The following HPSE2 variants were observed in gnomAD, a reference collection of about 807,000 sequenced individuals.
HPSE2 encodes the protein heparanase 2 (inactive).
HPSE2 carries 38 observed loss-of-function variants against 60.5 expected under a neutral mutation model. The ratio of observed to expected loss-of-function variants is 0.63; its 90% confidence interval spans 0.48 to 0.82. The LOEUF (loss-of-function observed/expected upper bound fraction) is 0.82, where lower values mean the gene tolerates loss of function less well. HPSE2 is among the 40% of genes least tolerant of loss of function. The pLI is 0.00. For synonymous variants in HPSE2, 295 were observed against 293.2 expected (o/e 1.01, Z -0.06); for missense variants, 713 against 740.4 (o/e 0.96, Z 0.43).
At chr10:98,940,132 A>G (rs1954944408) in intron 3 of HPSE2, among the ~76,000 whole-genome samples, 1 of 144,012 alleles carries the variant, frequency 6.9e-6, no homozygotes, top group South Asian at 2.1e-4. Flanking sequence ...AGAAAGCAGG[A>G]AAGATCCAAA....
chr10:98,926,522 G>C (rs1954468098), intron 3 of HPSE2, among the ~76,000 whole-genome samples: 2 of 152,044 alleles, frequency 1.3e-5, no homozygotes, highest in Admixed American at 6.6e-5. Flanking sequence ...TAGCTTTTTG[G>C]GTAGTAGAAA....
At chr10:99,305,975 G>GCACACACACACACACACACACACA in the HPSE2 span, among the ~76,000 whole-genome samples, 70 of 48,102 alleles carry the variant, frequency 1.5e-3, no homozygotes, top group African/African-American at 3.2e-3. Flanking sequence ...GCGCGCGCGC[G>GCACACACACACACACACACACACA]CGCGCACACA....
At chr10:98,873,564 C>T (rs1952790616) in intron 3 of HPSE2, among the ~76,000 whole-genome samples, 1 of 152,090 alleles carries the variant, frequency 6.6e-6, no homozygotes, top group African/African-American at 2.4e-5. Flanking sequence ...TCGAATACTG[C>T]ATAGTATTCG....
intron 7 of HPSE2, among the ~76,000 whole-genome samples, chr10:98,631,864 T>A (rs1052306396): frequency 6.6e-6 from 1 of 152,166 alleles, no homozygotes; most frequent in Non-Finnish European, 1.5e-5. Context: ...TCAACTTCAT[T>A]CATTCATTCA....
chr10:99,176,180 G>A (rs1175754537), intron 2 of HPSE2, among the ~76,000 whole-genome samples: 1 of 152,124 alleles, frequency 6.6e-6, no homozygotes, highest in Non-Finnish European at 1.5e-5. Flanking sequence ...AGCACAAAAA[G>A]CCTGAAAATT....
chr10:98,473,164 C>T (rs1940849888), intron 11 of HPSE2, among the ~76,000 whole-genome samples: 1 of 152,060 alleles, frequency 6.6e-6, no homozygotes, highest in African/African-American at 2.4e-5. Context: ...TCTCAGACCT[C>T]TTCAACTAAG....
intron 3 of HPSE2, among the ~76,000 whole-genome samples, chr10:98,895,866 A>C (rs1953473394): frequency 6.9e-6 from 1 of 143,950 alleles, no homozygotes; most frequent in Non-Finnish European, 1.5e-5. Context: ...GTTCTCACTC[A>C]TAGATGGGAA....
At chr10:99,261,806 C>T in the HPSE2 span, among the ~76,000 whole-genome samples, 7 of 152,238 alleles carry the variant, frequency 4.6e-5, no homozygotes, top group African/African-American at 9.6e-5. Flanking sequence ...AACTTCAAAA[C>T]GCCTGAACCA....
chr10:98,691,562 CA>C lies in HPSE2; in HGVS notation c.1004+2337del, dbSNP rs146295269. 8.5e-5 allele frequency among the ~76,000 whole-genome samples: 13 copies of C among 152,240 alleles called. No homozygotes were observed. The East Asian group carries it at 2.5e-3, about 29-fold the overall frequency. On this transcript the variant is annotated intron_variant, in intron 6 of 11. Coordinates refer to ENST00000370552, the MANE Select transcript of HPSE2 (RefSeq NM_021828.5). Reference sequence around the variant, plus strand: ...GCCAATAATATTTTTATGCTGATATCATTATCTTTCTCCACAAATCCTATAA... The same window carrying C: ...GCCAATAATATTTTTATGCTGATATCTTATCTTTCTCCACAAATCCTATAA...
At chr10:98,536,681 G>A (rs150226956) in intron 9 of HPSE2, among the ~76,000 whole-genome samples, 122 of 152,254 alleles carry the variant, frequency 8.0e-4, no homozygotes, top group African/African-American at 2.6e-3. Context: ...GGAAGAGAAC[G>A]TCTAAAGCTT....
chr10:98,723,412 G>A (rs1948981128), intron 4 of HPSE2, among the ~76,000 whole-genome samples: 1 of 152,068 alleles, frequency 6.6e-6, no homozygotes, highest in South Asian at 2.1e-4. Flanking sequence ...CAGGGATATT[G>A]GTCTAAAATT....
At chr10:98,680,680 G>A (rs1947760728) in intron 6 of HPSE2, among the ~76,000 whole-genome samples, 1 of 152,144 alleles carries the variant, frequency 6.6e-6, no homozygotes, top group African/African-American at 2.4e-5. Context: ...CACATACTTT[G>A]CTCCATTAGC....
intron 3 of HPSE2, among the ~76,000 whole-genome samples, chr10:99,066,372 A>G (rs144401201): frequency 4.0e-4 from 61 of 152,364 alleles, no homozygotes; most frequent in African/African-American, 1.4e-3. Context: ...GAAAAGGAAG[A>G]GTAAACTCAA....
chr10:98,760,403 CT>C (rs1949979390), intron 3 of HPSE2, among the ~76,000 whole-genome samples: 1 of 151,882 alleles, frequency 6.6e-6, no homozygotes, highest in South Asian at 2.1e-4. Flanking sequence ...AAGCTTTTGG[CT>C]TTTTACTGTT....
intron 3 of HPSE2, among the ~76,000 whole-genome samples, chr10:98,850,623 G>A (rs775383531): frequency 1.8e-4 from 27 of 151,232 alleles, no homozygotes; most frequent in Non-Finnish European, 1.5e-5. Flanking sequence ...TGTAGTCCCA[G>A]CTACTCGGGA....
At chr10:99,083,913 T>C (rs941523462) in intron 3 of HPSE2, among the ~76,000 whole-genome samples, 8 of 148,248 alleles carry the variant, frequency 5.4e-5, no homozygotes, top group Non-Finnish European at 1.2e-4. Flanking sequence ...GCATTGTTCA[T>C]CTGCAAGTCT....
chr10:99,146,718 G>A (rs914269527), intron 2 of HPSE2, among the ~76,000 whole-genome samples: 1 of 152,120 alleles, frequency 6.6e-6, no homozygotes, highest in Non-Finnish European at 1.5e-5. Context: ...AAAATTAGCT[G>A]GGCGTGGTGG....
chr10:98,947,380 G>A (rs1955218028), intron 3 of HPSE2, among the ~76,000 whole-genome samples: 1 of 152,178 alleles, frequency 6.6e-6, no homozygotes, highest in Admixed American at 6.6e-5. Context: ...GCAAAAGGAA[G>A]GTGAAGTATC....
At chr10:98,549,995 C>T (rs992146303) in intron 9 of HPSE2, among the ~76,000 whole-genome samples, 6 of 152,236 alleles carry the variant, frequency 3.9e-5, no homozygotes, top group Admixed American at 6.5e-5. Context: ...CCAACTCAAT[C>T]GGGGTCATTT....
Sources: gnomAD v4.1 joint callset for allele counts (sites outside exome capture counted in the v4.1 genomes callset) on GRCh38, gnomAD v4.1.1 for gene constraint, MANE v1.5 for transcripts, NCBI Gene and HGNC (gene_info 2026-07-23, HGNC 2026-07-21) for gene names.